LAMC3: variants seen among roughly 807,000 people sequenced by gnomAD.
LAMC3 encodes the protein laminin subunit gamma-3.
A neutral mutation model predicts 173.8 loss-of-function variants in LAMC3; 128 were observed. The observed-to-expected ratio is 0.74, with a 90% CI of 0.64 to 0.85. The LOEUF (loss-of-function observed/expected upper bound fraction) is 0.85. Ranked by LOEUF, LAMC3 falls within the 40% of genes least tolerant of loss-of-function variation. LAMC3 has a pLI of 0.00. For synonymous variants in LAMC3, 897 were observed against 909.1 expected, an observed-to-expected ratio of 0.99 and a Z score of 0.24; for missense variants, 2,022 against 2,156.0, an observed-to-expected ratio of 0.94 and a Z score of 1.23.
intron 20 of LAMC3, among the ~76,000 whole-genome samples, chr9:131,075,357 T>C (rs955003462): frequency 6.6e-5 from 10 of 152,144 alleles, no homozygotes; most frequent in African/African-American, 2.4e-4. Flanking sequence ...GTGGATCGCC[T>C]GAGGACAGGA....
chr9:131,062,627 G>A (rs1829852648), intron 13 of LAMC3, among the ~76,000 whole-genome samples: 1 of 152,140 alleles, frequency 6.6e-6, no homozygotes, highest in South Asian at 2.1e-4. Flanking sequence ...TCAGCACTTT[G>A]CGAGGCTGAG....
chr9:131,053,091 G>C lies in LAMC3; in HGVS notation c.1939+126G>C, dbSNP rs998131209. On this transcript the variant is annotated intron_variant, in intron 11 of 27. Transcript: ENST00000361069. ...GGTGGTTATTGTCCTGTTTTGCCAAGAAGGAACCTTAGTCAAAAGTCAGGA... is the reference window on the plus strand; with the variant it reads ...GGTGGTTATTGTCCTGTTTTGCCAACAAGGAACCTTAGTCAAAAGTCAGGA... 7 of 773,810 alleles carry C rather than the reference G, an allele frequency of 9.0e-6. 1 individual carries two copies. The highest frequency in any genetic ancestry group is 1.1e-5 in the Non-Finnish European group (5 of 450,854). The allele number at this position is 773,810 out of a possible 1,614,324, so 47.9% of individuals were successfully genotyped here.
At chr9:131,061,421 A>G (rs372051815) in intron 13 of LAMC3, among the ~76,000 whole-genome samples, 198 bp downstream of exon 13, 3 of 152,204 alleles carry the variant, frequency 2.0e-5, no homozygotes, top group African/African-American at 7.2e-5. Flanking sequence ...GCTGCCGCAC[A>G]TTGCCAGCAG....
rs184615285 is a variant in LAMC3, at chr9:131,081,961, T to G, written c.3928-98T>G. 4 of 810,552 alleles carry G rather than the reference T, an allele frequency of 4.9e-6. No individual in the cohort carries two copies. In the Admixed American group the frequency reaches 7.8e-5, roughly 16 times the overall value. 50.2% of individuals were successfully genotyped at this position (810,552 alleles called of 1,614,324 possible). On this transcript the variant is annotated intron_variant, in intron 23 of 27. Transcript: ENST00000361069. ...CCCAGCGTCAGGGATTTGGTGATGA[T>G]TTGGGCACCCATGTATGTGGGTTTG...
Position 131,085,623 on chromosome 9 carries a change from C to G in LAMC3, c.4130C>G (p.Thr1377Ser). The change falls in exon 25 of 28, where the codon ACC becomes AGC. Residue 1377 changes from threonine to serine, a missense_variant. Coordinates refer to ENST00000361069, the MANE Select transcript of LAMC3 (RefSeq NM_006059.4). ...CTCCTTGCAGACACGAGAAAGAAGACCAAGCAGGCGGAGAGGATGCTGGGA... is the reference window on the plus strand; with the variant it reads ...CTCCTTGCAGACACGAGAAAGAAGAGCAAGCAGGCGGAGAGGATGCTGGGA... ...DRLLADTRKK[T>S]KQAERMLGNA... 5 of 1,614,110 alleles carry G rather than the reference C, an allele frequency of 3.1e-6. No homozygotes were observed. The highest frequency in any genetic ancestry group is 4.2e-6 in the Non-Finnish European group (5 of 1,180,022).
chr9:131,069,845 G>A lies in LAMC3; in HGVS notation c.3064G>A (p.Glu1022Lys), dbSNP rs954997195. The change falls in exon 17 of 28, where the codon GAG becomes AAG. Residue 1022 changes from glutamate (E) to lysine (K), a missense_variant. Physicochemically the swap from Glu to Lys is moderately conservative, Grantham distance 56 (BLOSUM62 1). Transcript: ENST00000361069. ...QCPSCYALVK[E>K]EAAKLKARLT... The stretch of plus-strand genomic sequence containing the variant: ...TCCGTCCTGCTACGCCCTGGTGAAG[G>A]AGGAGGTGAGTCGGCCCAGACCCAC... 2 of 1,586,962 alleles carry A rather than the reference G, an allele frequency of 1.3e-6. No homozygotes were observed. The highest frequency in any genetic ancestry group is 1.7e-6 in the Non-Finnish European group (2 of 1,166,236).
At chr9:131,027,204 C>T (rs1833735942) in intron 2 of LAMC3, among the ~76,000 whole-genome samples, 1 of 152,254 alleles carries the variant, frequency 6.6e-6, no homozygotes, top group Non-Finnish European at 1.5e-5. Context: ...TGGCCCCTTC[C>T]TTATATGGGT....
Position 131,068,142 on chromosome 9 carries a change from A to G in LAMC3, c.2658A>G (p.Gln886=), listed in dbSNP as rs775795085. Residue 886 remains glutamine (Q), a synonymous_variant, in exon 15 of 28, where the codon CAA becomes CAG. Transcript: ENST00000361069. ...TGCCCTGCGACCCAGTGACAGGCCAATGCTCCTGCCTGCCTCATGTGACTG... is the reference window on the plus strand; with the variant it reads ...TGCCCTGCGACCCAGTGACAGGCCAGTGCTCCTGCCTGCCTCATGTGACTG... ...EQMPCDPVTG[Q]CSCLPHVTAR... 30 of 1,613,190 alleles carry G rather than the reference A, an allele frequency of 1.9e-5. No homozygotes were observed. The highest frequency in any genetic ancestry group is 4.4e-5 in the South Asian group (4 of 91,084).
At chr9:131,010,719 T>G (rs1277825082) in intron 1 of LAMC3, among the ~76,000 whole-genome samples, 1 of 152,270 alleles carries the variant, frequency 6.6e-6, no homozygotes, top group Non-Finnish European at 1.5e-5. Flanking sequence ...TTCGTGCTGC[T>G]GGGCAGCTGC....
At chr9:131,027,854 T>C (rs926268511) in intron 2 of LAMC3, among the ~76,000 whole-genome samples, 2 of 152,158 alleles carry the variant, frequency 1.3e-5, no homozygotes, top group Non-Finnish European at 2.9e-5. Flanking sequence ...GTCAGTCCAT[T>C]CAGGGCCCTC....
chr9:131,052,068 A>T (rs879296547), intron 9 of LAMC3, among the ~76,000 whole-genome samples: 1 of 152,092 alleles, frequency 6.6e-6, no homozygotes, highest in Admixed American at 6.6e-5. Flanking sequence ...CCTTGCTGTC[A>T]CCTGGAGGTC....
rs2133225603 is a variant in LAMC3, at chr9:131,026,208, GCC to G, written c.374-76_374-75del. On this transcript the variant is annotated intron_variant, in intron 1 of 27. Coordinates refer to ENST00000361069, the MANE Select transcript of LAMC3 (RefSeq NM_006059.4). The surrounding 1 kb of genome is among the most constrained non-coding windows in gnomAD (Gnocchi z 4.8). Reference sequence around the variant, plus strand: ...CATCCACGCTAGTGCCTGCAATGCAGCCGTCTGTCCTTCCTAGACCAGGATTC... The same window carrying G: ...CATCCACGCTAGTGCCTGCAATGCAGGTCTGTCCTTCCTAGACCAGGATTC... 6.3e-7 allele frequency: 1 copy of G among 1,591,946 alleles called. No individual in the cohort carries two copies. The highest frequency in any genetic ancestry group is 1.1e-5 in the South Asian group (1 of 87,712).
intron 13 of LAMC3, among the ~76,000 whole-genome samples, chr9:131,064,854 A>G (rs146606588): frequency 0.01 from 1,589 of 152,048 alleles, 25 homozygotes; most frequent in African/African-American, 0.037. Context: ...CAGCATGGCC[A>G]ACATGACAAG....
In LAMC3 at chr9:131,067,126, C is replaced by T. The variant is rs774173069; in HGVS notation, c.2514C>T (p.Thr838=). ...SGHCLRCLHN[T]TGDHCEHCQE... The stretch of plus-strand genomic sequence containing the variant: ...ACTGCCTGCGCTGCCTGCACAACAC[C>T]ACGGGTGACCACTGTGAGCACTGTC... The change falls in exon 14 of 28, where the codon ACC becomes ACT. Residue 838 remains threonine, a synonymous_variant. Transcript: ENST00000361069. The T allele has an allele frequency of 2.1e-5, 34 of 1,614,072 alleles. No homozygotes were observed. The highest frequency in any genetic ancestry group is 2.8e-5 in the Non-Finnish European group (33 of 1,180,042).
At chr9:131,068,265 C>G (rs769062884) in intron 15 of LAMC3, 34 bp downstream of exon 15, 1 of 1,598,510 alleles carries the variant, frequency 6.3e-7, no homozygotes. Context: ...GCCCTGGGGA[C>G]CTCTCCAGGA....
chr9:131,030,384 G>T (rs1236804910), intron 2 of LAMC3, among the ~76,000 whole-genome samples: 1 of 152,196 alleles, frequency 6.6e-6, no homozygotes, highest in Admixed American at 6.5e-5. Flanking sequence ...TCAGGTCACA[G>T]GCCAGGAAGC....
Position 131,045,598 on chromosome 9 carries a change from C to T in LAMC3, c.1457C>T (p.Ser486Phe). ...AGCAGCTGTTTCTGCTATGGCCACT[C>T]CAAGGTGTGCGCGTCCACTGCCCAG... ...GCSSCFCYGH[S>F]KVCASTAQFQ... Residue 486 changes from serine to phenylalanine, a missense_variant, in exon 8 of 28, where the codon TCC becomes TTC. Transcript: ENST00000361069. 6.2e-7 allele frequency: 1 copy of T among 1,614,184 alleles called. No homozygotes were observed. The highest frequency in any genetic ancestry group is 8.5e-7 in the Non-Finnish European group (1 of 1,180,034).
At chr9:131,064,652 A>T (rs1188744941) in intron 13 of LAMC3, among the ~76,000 whole-genome samples, 2 of 133,904 alleles carry the variant, frequency 1.5e-5, no homozygotes, top group Non-Finnish European at 3.2e-5. Flanking sequence ...TGAAAGAGCG[A>T]GACTCCGTCT....
At chr9:131,085,210 G>A (rs1213312851) in intron 24 of LAMC3, among the ~76,000 whole-genome samples, 1 of 152,166 alleles carries the variant, frequency 6.6e-6, no homozygotes, top group African/African-American at 2.4e-5. Flanking sequence ...GAGCTGAGCA[G>A]ACTGAGCCAT....
Sources: allele counts gnomAD v4.1 joint callset (sites outside exome capture counted in the v4.1 genomes callset), GRCh38; gene constraint gnomAD v4.1.1; non-coding constraint Gnocchi (gnomAD v3.1); transcripts MANE v1.5; gene names NCBI Gene and HGNC (gene_info 2026-07-23, HGNC 2026-07-21).